The following GNL3L variants were observed in gnomAD, a reference collection of about 807,000 sequenced individuals.
GNL3L encodes guanine nucleotide-binding protein-like 3-like protein.
A neutral mutation model predicts 42.9 loss-of-function variants in GNL3L; 4 were observed. The observed-to-expected ratio is 0.09, with a 90% CI of 0.05 to 0.21. The LOEUF is 0.21. GNL3L is among the 10% of genes least tolerant of loss of function. GNL3L has a pLI of 1.00. For synonymous variants in GNL3L, 159 were observed against 176.3 expected (o/e 0.90, Z 0.78); for missense variants, 412 against 481.7 (o/e 0.86, Z 1.36).
At chrX:54,574,739 G>T (rs1925611950) in intron 16 of GNL3L, among the ~76,000 whole-genome samples, 1 of 112,172 alleles carries the variant, frequency 8.9e-6, no homozygotes, top group South Asian at 3.6e-4. Context: ...CAGCAGCAAA[G>T]CAAGCTGGGC....
intron 16 of GNL3L, among the ~76,000 whole-genome samples, chrX:54,607,000 CTTTCTTTCTTTCTTT>C (rs1236307458): frequency 1.3e-3 from 30 of 23,760 alleles, no homozygotes; most frequent in Non-Finnish European, 9.5e-4. Flanking sequence ...CCTTTCCTTT[CTTTCTTTCTTTCTTT>C]CTTTCTTTCT....
At chrX:54,630,708 T>TTCTTTCTTTCTTTA in the GNL3L span, among the ~76,000 whole-genome samples, 1 of 58,651 alleles carries the variant, frequency 1.7e-5, no homozygotes, top group Non-Finnish European at 2.8e-5. Context: ...CTTTCTTTCT[T>TTCTTTCTTTCTTTA]TTTCTTTCTT....
downstream of GNL3L, among the ~76,000 whole-genome samples, chrX:54,571,368 A>G (rs1268430957): frequency 1.9e-5 from 2 of 107,722 alleles, no homozygotes; most frequent in Non-Finnish European, 3.8e-5. Context: ...TAATGTTTTT[A>G]TATTTTTTAG....
At position 54,566,068 on chromosome X, in the gene GNL3L, G is replaced by A. The variant is rs189876773; in HGVS notation, c.*5466G>A. Among the ~76,000 whole-genome samples the A allele has an allele frequency of 2.0e-3, 226 of 111,014 alleles. No individual in the cohort carries two copies. The highest frequency in any genetic ancestry group is 6.8e-3 in the African/African-American group (207 of 30,555). ...ACTCTGGACCTCAAGTGATACACCC[G>A]TCTTAGCCTCCCAAAGTTCTGGGAT... On this transcript the variant is annotated 3_prime_UTR_variant, in exon 16 of 16. Transcript: ENST00000360845.
At chrX:54,627,040 AC>A in the GNL3L span, among the ~76,000 whole-genome samples, 1 of 109,085 alleles carries the variant, frequency 9.2e-6, no homozygotes, top group Non-Finnish European at 1.9e-5. Context: ...ACAGCATCTC[AC>A]TCTGTCACCC....
intron 10 of GNL3L, 96 bp from the exon 11 acceptor site, chrX:54,551,472 C>T (rs1224441619): frequency 1.4e-6 from 1 of 706,899 alleles, no homozygotes; most frequent in East Asian, 3.3e-5. Context: ...TGCACCCTCC[C>T]CTCACTCCTT....
chrX:54,618,138 T>C (rs1602009608), intron 16 of GNL3L, among the ~76,000 whole-genome samples: 1 of 111,841 alleles, frequency 8.9e-6, no homozygotes, highest in East Asian at 2.8e-4. Context: ...TGTATGCTGA[T>C]GGCTCCTAGA....
At chrX:54,588,829 T>C (rs1925827061) in intron 16 of GNL3L, among the ~76,000 whole-genome samples, 1 of 112,131 alleles carries the variant, frequency 8.9e-6, no homozygotes, top group Admixed American at 9.5e-5. Context: ...GAACCAGCCA[T>C]ATCGGCAATG....
At chrX:54,575,768 G>A (rs1028292124) in intron 16 of GNL3L, among the ~76,000 whole-genome samples, 1 of 110,225 alleles carries the variant, frequency 9.1e-6, no homozygotes. Flanking sequence ...AAATTAGCCG[G>A]GCGTGGTGGC....
chrX:54,543,115 C>G, intron 6 of GNL3L, 77 bp downstream of exon 6: 1 of 1,112,631 alleles, frequency 9.0e-7, no homozygotes, highest in Non-Finnish European at 1.2e-6. Context: ...TCTGTTTTTT[C>G]CTGACTGAGA....
At chrX:54,610,163 GTA>G (rs1243186937) in intron 16 of GNL3L, among the ~76,000 whole-genome samples, 1 of 111,057 alleles carries the variant, frequency 9.0e-6, no homozygotes, top group Non-Finnish European at 1.9e-5. Flanking sequence ...GTCGCTCTTG[GTA>G]TATAGCAGAG....
intron 16 of GNL3L, among the ~76,000 whole-genome samples, chrX:54,593,545 C>G (rs1250134290): frequency 9.3e-6 from 1 of 107,169 alleles, no homozygotes; most frequent in African/African-American, 3.4e-5. Context: ...CAATTTTTAT[C>G]TTCTCCCAAC....
intron 16 of GNL3L, among the ~76,000 whole-genome samples, chrX:54,573,331 G>T (rs1341526100): frequency 1.9e-4 from 21 of 113,047 alleles, no homozygotes; most frequent in Non-Finnish European, 3.8e-4. Flanking sequence ...ATCACTCGCG[G>T]TTAGGAGCTG....
At chrX:54,588,803 AAAAT>A (rs1344572667) in intron 16 of GNL3L, among the ~76,000 whole-genome samples, 4 of 112,200 alleles carry the variant, frequency 3.6e-5, no homozygotes, top group Non-Finnish European at 5.6e-5. Context: ...AAAAAAATAA[AAAAT>A]AAAAAAAAGT....
At chrX:54,602,754 G>A (rs1489866770) in intron 16 of GNL3L, among the ~76,000 whole-genome samples, 1 of 111,582 alleles carries the variant, frequency 9.0e-6, no homozygotes, top group Admixed American at 9.6e-5. Flanking sequence ...TTTAGGAACT[G>A]TGGGAGACCT....
chrX:54,626,919 C>T, the GNL3L span, among the ~76,000 whole-genome samples: 13 of 111,168 alleles, frequency 1.2e-4, no homozygotes, highest in African/African-American at 3.9e-4. Context: ...ATTTTCATCC[C>T]TTGTTGGATG....
chrX:54,540,042 A>G (rs1389262425), intron 3 of GNL3L, 93 bp from the exon 4 acceptor site: 1 of 533,071 alleles, frequency 1.9e-6, no homozygotes, highest in East Asian at 3.6e-5. Context: ...TTATGAGGGG[A>G]TGTTGTCTTC....
At chrX:54,537,811 G>A (rs1308470286) in intron 2 of GNL3L, among the ~76,000 whole-genome samples, 1 of 110,683 alleles carries the variant, frequency 9.0e-6, no homozygotes, top group Non-Finnish European at 1.9e-5. Flanking sequence ...GTCTTGCTTT[G>A]TTGCCCAGGC....
At chrX:54,538,353 GTC>G (rs1377516803) in intron 2 of GNL3L, among the ~76,000 whole-genome samples, 3 of 111,679 alleles carry the variant, frequency 2.7e-5, no homozygotes, top group East Asian at 5.6e-4. Flanking sequence ...AGAAACTCCT[GTC>G]TCTCTAGGAA....
Sources: allele counts gnomAD v4.1 joint callset (sites outside exome capture counted in the v4.1 genomes callset), GRCh38; gene constraint gnomAD v4.1.1; transcripts MANE v1.5; gene names NCBI Gene and HGNC (gene_info 2026-07-23, HGNC 2026-07-21).